Variants in AK5 observed in about 807,000 individuals in gnomAD.
AK5 encodes the protein adenylate kinase 5.
A neutral mutation model predicts 69.5 loss-of-function variants in AK5; 27 were observed. The ratio of observed to expected loss-of-function variants is 0.39; its 90% confidence interval spans 0.29 to 0.54. AK5 has a LOEUF of 0.54. Ranked by LOEUF, AK5 falls within the 20% of genes least tolerant of loss-of-function variation. The probability of loss-of-function intolerance (pLI) is 0.71; values close to 1 mark genes in which losing one functional copy is unlikely to be tolerated. For synonymous variants in AK5, 260 were observed against 244.4 expected (o/e 1.06, Z -0.60); for missense variants, 531 against 700.4 (o/e 0.76, Z 2.73).
intron 6 of AK5, among the ~76,000 whole-genome samples, chr1:77,350,682 A>G (rs2815334): frequency 0.95 from 145,259 of 152,272 alleles, 69,675 homozygotes; most frequent in East Asian, 1. Context: ...AAAGTTCTCT[A>G]AGGGAAAATA....
intron 8 of AK5, among the ~76,000 whole-genome samples, chr1:77,455,085 C>A (rs1030711718): frequency 3.9e-5 from 6 of 152,184 alleles, no homozygotes; most frequent in Non-Finnish European, 8.8e-5. Context: ...AGAGCCCTAT[C>A]TAGCGGGCAT....
intron 6 of AK5, among the ~76,000 whole-genome samples, chr1:77,382,885 A>T (rs1427534409): frequency 2.6e-5 from 4 of 152,224 alleles, no homozygotes; most frequent in African/African-American, 9.7e-5. Context: ...GACACCTTTC[A>T]TCTTGAGCCT....
intron 12 of AK5, among the ~76,000 whole-genome samples, chr1:77,522,286 T>G (rs1411363487): frequency 6.6e-6 from 1 of 152,148 alleles, no homozygotes; most frequent in Non-Finnish European, 1.5e-5. Flanking sequence ...GAAAAGTGTT[T>G]CTGTTTCCCA....
chr1:77,365,440 G>A (rs1646934051), intron 6 of AK5, among the ~76,000 whole-genome samples: 1 of 152,214 alleles, frequency 6.6e-6, no homozygotes. Context: ...TCATCTTGAA[G>A]GAAATATAGC....
chr1:77,534,190 C>T (rs137978105), intron 12 of AK5, among the ~76,000 whole-genome samples: 1,875 of 152,260 alleles, frequency 0.012, 19 homozygotes, highest in South Asian at 0.022. Context: ...CACACACTTT[C>T]TACAGTGGTG....
At chr1:77,377,186 T>C (rs142482370) in intron 6 of AK5, among the ~76,000 whole-genome samples, 1 of 152,284 alleles carries the variant, frequency 6.6e-6, no homozygotes, top group African/African-American at 2.4e-5. Flanking sequence ...AAAACACATA[T>C]ACCAGACTCC....
chr1:77,461,637 G>A (rs1262809040), intron 8 of AK5, among the ~76,000 whole-genome samples: 1 of 151,850 alleles, frequency 6.6e-6, no homozygotes. Flanking sequence ...GGGCATGGTG[G>A]TGCGCAACTG....
At chr1:77,326,969 TACGTCA>T (rs1446393950) in intron 5 of AK5, among the ~76,000 whole-genome samples, 1 of 152,232 alleles carries the variant, frequency 6.6e-6, no homozygotes, top group Non-Finnish European at 1.5e-5. Context: ...GTAGTCAATA[TACGTCA>T]GGATTGTGTT....
intron 8 of AK5, among the ~76,000 whole-genome samples, chr1:77,431,354 G>C (rs1651625524): frequency 6.6e-6 from 1 of 152,018 alleles, no homozygotes; most frequent in Admixed American, 6.6e-5. Flanking sequence ...TTATTGGGTG[G>C]CCTTAGGTGC....
intron 12 of AK5, among the ~76,000 whole-genome samples, chr1:77,528,383 T>G (rs149317261): frequency 8.7e-4 from 133 of 152,278 alleles, no homozygotes; most frequent in African/African-American, 3.1e-3. Context: ...GTCACCGAGA[T>G]TGATGCGTCC....
chr1:77,301,058 A>ATGGG (rs1432594512), intron 5 of AK5, among the ~76,000 whole-genome samples: 4 of 152,166 alleles, frequency 2.6e-5, no homozygotes, highest in Admixed American at 6.5e-5. Context: ...TCAGCCATAT[A>ATGGG]TGGGTGATGG....
At chr1:77,307,441 T>A (rs1659706386) in intron 5 of AK5, among the ~76,000 whole-genome samples, 1 of 152,014 alleles carries the variant, frequency 6.6e-6, no homozygotes, top group Non-Finnish European at 1.5e-5. Context: ...TATTAATTTC[T>A]ATTTTTATTC....
chr1:77,404,964 T>C (rs1649520671), intron 6 of AK5, among the ~76,000 whole-genome samples: 1 of 152,220 alleles, frequency 6.6e-6, no homozygotes, highest in East Asian at 1.9e-4. Flanking sequence ...CTTGTTCAAA[T>C]TACTCGGAGG....
At chr1:77,326,873 A>G (rs768167089) in intron 5 of AK5, among the ~76,000 whole-genome samples, 6 of 152,178 alleles carry the variant, frequency 3.9e-5, no homozygotes, top group Non-Finnish European at 8.8e-5. Flanking sequence ...TTGAAGATTA[A>G]TTGCTATGCA....
At chr1:77,305,853 G>C (rs1659604765) in intron 5 of AK5, among the ~76,000 whole-genome samples, 1 of 152,076 alleles carries the variant, frequency 6.6e-6, no homozygotes, top group East Asian at 1.9e-4. Flanking sequence ...ATACATTTTA[G>C]AGTTGTTTTT....
At chr1:77,522,368 C>A (rs796843615) in intron 12 of AK5, among the ~76,000 whole-genome samples, 3 of 152,240 alleles carry the variant, frequency 2.0e-5, no homozygotes, top group African/African-American at 7.2e-5. Flanking sequence ...ATCACTGAAC[C>A]AATTACTGAG....
chr1:77,442,144 G>C, intron 8 of AK5, among the ~76,000 whole-genome samples: 1 of 152,208 alleles, frequency 6.6e-6, no homozygotes, highest in East Asian at 1.9e-4. Context: ...AGTGGTAACA[G>C]ATGGGGAAAG....
rs1204922410 is a variant in AK5 at position 77,558,868 on chromosome 1, A to G, written c.*198A>G. 2.1e-5 allele frequency: 12 copies of G among 559,224 alleles called. No individual in the cohort carries two copies. The highest frequency in any genetic ancestry group is 4.3e-5 in the South Asian group (2 of 46,204). The allele number at this position is 559,224 out of a possible 1,614,324, so 34.6% of individuals were successfully genotyped here. On this transcript the variant is annotated 3_prime_UTR_variant, in exon 14 of 14. Transcript: ENST00000354567. Reference sequence around the variant, plus strand: ...AATCATGCATGGTGTATTTGGGACTATATCAACCTATTCTCCACACTTCAG... The same window carrying G: ...AATCATGCATGGTGTATTTGGGACTGTATCAACCTATTCTCCACACTTCAG...
At chr1:77,532,541 A>C (rs2100348338) in intron 12 of AK5, among the ~76,000 whole-genome samples, 1 of 152,194 alleles carries the variant, frequency 6.6e-6, no homozygotes, top group African/African-American at 2.4e-5. Flanking sequence ...GACCTTGGGA[A>C]GGTTAACCTC....
Sources: allele counts gnomAD v4.1 joint callset (sites outside exome capture counted in the v4.1 genomes callset), GRCh38; gene constraint gnomAD v4.1.1; transcripts MANE v1.5; gene names NCBI Gene and HGNC (gene_info 2026-07-23, HGNC 2026-07-21).